The following FSTL5 variants were observed in gnomAD, a reference collection of about 807,000 sequenced individuals.
FSTL5 encodes follistatin-related protein 5.
FSTL5 carries 62 observed loss-of-function variants against 89.1 expected under a neutral mutation model. That is an observed-to-expected ratio of 0.70 (90% CI 0.57 to 0.86). FSTL5 has a LOEUF of 0.86. Ranked by LOEUF, FSTL5 falls within the 40% of genes least tolerant of loss-of-function variation. FSTL5 has a pLI of 0.00. For synonymous variants in FSTL5, 383 were observed against 346.2 expected (o/e 1.11, Z -1.18); for missense variants, 1,057 against 1,001.6 (o/e 1.06, Z -0.75).
chr4:162,140,986 G>A (rs13136223), intron 1 of FSTL5, among the ~76,000 whole-genome samples: 35,341 of 151,744 alleles, frequency 0.23, 4,300 homozygotes, highest in Non-Finnish European at 0.25. Context: ...GGTCATGGGG[G>A]TAGATCTCTT....
intron 8 of FSTL5, among the ~76,000 whole-genome samples, chr4:161,572,770 C>A (rs1733064336): frequency 6.6e-6 from 1 of 152,130 alleles, no homozygotes; most frequent in African/African-American, 2.4e-5. Context: ...GTCTGCATCA[C>A]TGGGTGACTG....
At chr4:161,735,143 G>T (rs1445900849) in intron 6 of FSTL5, among the ~76,000 whole-genome samples, 1 of 152,130 alleles carries the variant, frequency 6.6e-6, no homozygotes, top group Non-Finnish European at 1.5e-5. Flanking sequence ...CAATTAATTT[G>T]CTGGAACTGC....
chr4:161,853,194 C>T (rs1188752580), intron 4 of FSTL5, among the ~76,000 whole-genome samples: 1 of 152,156 alleles, frequency 6.6e-6, no homozygotes, highest in South Asian at 2.1e-4. Flanking sequence ...AATTCTCCAA[C>T]AGGAATTTTG....
At chr4:161,504,620 C>T (rs188938798) in intron 11 of FSTL5, among the ~76,000 whole-genome samples, 1 of 151,656 alleles carries the variant, frequency 6.6e-6, no homozygotes, top group Non-Finnish European at 1.5e-5. Flanking sequence ...TTTCTTTCTG[C>T]TTTTTCTTTC....
At position 161,689,967 on chromosome 4, in the gene FSTL5, G is replaced by A. The variant is rs867617777; in HGVS notation, c.728-33473C>T. ...TCGAGATTCATCCAAGTTGTAATAT[G>A]TATTAGTATTTCATTTGTTTTCATG... On this transcript the variant is annotated intron_variant, in intron 6 of 15. Transcript: ENST00000306100. Among the ~76,000 whole-genome samples the A allele has an allele frequency of 3.3e-5, 5 of 152,030 alleles. No homozygotes were observed. In the South Asian group the frequency reaches 6.2e-4, roughly 19 times the overall value.
At chr4:161,513,946 T>C (rs938803232) in intron 10 of FSTL5, among the ~76,000 whole-genome samples, 1 of 152,150 alleles carries the variant, frequency 6.6e-6, no homozygotes, top group African/African-American at 2.4e-5. Context: ...CACATTTACC[T>C]ATGTAACAAA....
chr4:161,555,549 G>C (rs1732358195), intron 8 of FSTL5, among the ~76,000 whole-genome samples: 1 of 151,556 alleles, frequency 6.6e-6, no homozygotes, highest in South Asian at 2.1e-4. Context: ...TTTGAGGCAG[G>C]AGTTGTGTAG....
intron 15 of FSTL5, chr4:161,387,297 CTTTTA>C (rs908097089): frequency 1.3e-5 from 2 of 151,872 alleles, no homozygotes; most frequent in Non-Finnish European, 2.9e-5. Context: ...TTGTAAAGGA[CTTTTA>C]TTTATGTTTG....
intron 5 of FSTL5, among the ~76,000 whole-genome samples, chr4:161,760,120 T>C (rs999372305): frequency 2.6e-5 from 4 of 152,216 alleles, no homozygotes; most frequent in African/African-American, 7.2e-5. Flanking sequence ...AGGAGCTAGA[T>C]AGAATTAATG....
chr4:162,125,316 T>A (rs1732037033), intron 1 of FSTL5, among the ~76,000 whole-genome samples: 1 of 151,962 alleles, frequency 6.6e-6, no homozygotes, highest in Non-Finnish European at 1.5e-5. Context: ...CTTTGCAGTT[T>A]AAAAAATGTT....
chr4:161,642,708 G>T (rs1736006760), intron 7 of FSTL5, among the ~76,000 whole-genome samples: 1 of 152,150 alleles, frequency 6.6e-6, no homozygotes, highest in African/African-American at 2.4e-5. Context: ...TACCCAAAGA[G>T]AAATACTGTA....
At chr4:161,835,151 T>C (rs62536778) in intron 4 of FSTL5, among the ~76,000 whole-genome samples, 1 of 148,378 alleles carries the variant, frequency 6.7e-6, no homozygotes, top group Admixed American at 6.7e-5. Flanking sequence ...TAACGCTGCA[T>C]ATCTACAACT....
intron 3 of FSTL5, among the ~76,000 whole-genome samples, chr4:162,033,224 T>G (rs937308652): frequency 6.6e-6 from 1 of 152,160 alleles, no homozygotes; most frequent in African/African-American, 2.4e-5. Flanking sequence ...TCTAGCCTTT[T>G]TGTAGAAAAT....
At chr4:161,471,742 T>C (rs911324708) in intron 13 of FSTL5, among the ~76,000 whole-genome samples, 12 of 152,144 alleles carry the variant, frequency 7.9e-5, no homozygotes, top group Non-Finnish European at 4.4e-5. Flanking sequence ...TGTAAGTAAA[T>C]TTATTTTTTT....
At chr4:161,549,506 T>C (rs1256404610) in intron 8 of FSTL5, among the ~76,000 whole-genome samples, 1 of 151,906 alleles carries the variant, frequency 6.6e-6, no homozygotes, top group Non-Finnish European at 1.5e-5. Context: ...TTCCACAGGA[T>C]GTATGTTACA....
At chr4:162,141,774 G>A (rs1274579930) in intron 1 of FSTL5, among the ~76,000 whole-genome samples, 1 of 152,104 alleles carries the variant, frequency 6.6e-6, no homozygotes, top group Non-Finnish European at 1.5e-5. Flanking sequence ...AGAGAAAGCA[G>A]TTCCATATAC....
chr4:161,754,840 A>G (rs1297572166), intron 6 of FSTL5, among the ~76,000 whole-genome samples: 2 of 152,192 alleles, frequency 1.3e-5, no homozygotes, highest in East Asian at 3.8e-4. Flanking sequence ...AATCAGAAGT[A>G]TAGTATTCCA....
In FSTL5 at chr4:161,405,767, A is replaced by C. The variant is rs1731355511; in HGVS notation, c.1842-19318T>G. The stretch of plus-strand genomic sequence containing the variant: ...TTTTATAACCAAACTGTTAAAGACA[A>C]AGAGAGAATCACCAAAGCACCACAA... On this transcript the variant is annotated intron_variant, in intron 15 of 15. Coordinates refer to ENST00000306100, the MANE Select transcript of FSTL5 (RefSeq NM_020116.5). Among the ~76,000 whole-genome samples the C allele has an allele frequency of 3.3e-5, 5 of 152,336 alleles. No homozygotes were observed. The South Asian group carries it at 8.3e-4, about 25-fold the overall frequency.
chr4:161,472,169 G>C (rs1275052617), intron 13 of FSTL5, among the ~76,000 whole-genome samples: 1 of 152,030 alleles, frequency 6.6e-6, no homozygotes, highest in African/African-American at 2.4e-5. Flanking sequence ...AATAGAGACA[G>C]AGTTTCACCG....
Sources: gnomAD v4.1 joint callset for allele counts (sites outside exome capture counted in the v4.1 genomes callset) on GRCh38, gnomAD v4.1.1 for gene constraint, MANE v1.5 for transcripts, NCBI Gene and HGNC (gene_info 2026-07-23, HGNC 2026-07-21) for gene names.